PFKFB4: variants seen among roughly 807,000 people sequenced by gnomAD.
PFKFB4 encodes the protein 6-phosphofructo-2-kinase/fructose-2,6-bisphosphatase 4.
A neutral mutation model predicts 62.8 loss-of-function variants in PFKFB4; 42 were observed. The ratio of observed to expected loss-of-function variants is 0.67; its 90% confidence interval spans 0.52 to 0.86. PFKFB4 has a LOEUF of 0.86. Ranked by LOEUF, PFKFB4 falls within the 40% of genes least tolerant of loss-of-function variation. The probability of loss-of-function intolerance (pLI) is 0.00; values close to 1 mark genes in which losing one functional copy is unlikely to be tolerated. For synonymous variants in PFKFB4, 204 were observed against 240.7 expected (o/e 0.85, Z 1.41); for missense variants, 475 against 627.2 (o/e 0.76, Z 2.59).
intron 9 of PFKFB4, among the ~76,000 whole-genome samples, chr3:48,528,193 T>C (rs1338729289): frequency 6.6e-6 from 1 of 151,328 alleles, no homozygotes; most frequent in Admixed American, 6.6e-5. Context: ...CCAAGACTGA[T>C]GGTAACAAGC....
At chr3:48,544,448 T>C (rs2042900457) in intron 3 of PFKFB4, among the ~76,000 whole-genome samples, 1 of 146,362 alleles carries the variant, frequency 6.8e-6, no homozygotes, top group Non-Finnish European at 1.5e-5. Context: ...GATCTTTTTT[T>C]TTTTTTTTTT....
chr3:48,524,193 C>T (rs1026258102), intron 10 of PFKFB4, among the ~76,000 whole-genome samples: 3 of 152,200 alleles, frequency 2.0e-5, no homozygotes, highest in Admixed American at 6.5e-5. Flanking sequence ...ACAGAGTGCA[C>T]TGACAAGAGC....
intron 9 of PFKFB4, among the ~76,000 whole-genome samples, chr3:48,532,888 C>G (rs2098101): frequency 0.038 from 5,810 of 152,006 alleles, 346 homozygotes; most frequent in African/African-American, 0.12. Context: ...CATGGATGAA[C>G]CTTGAGGATA....
chr3:48,535,454 T>A lies in PFKFB4; in HGVS notation c.987+58A>T, dbSNP rs1040778005. ...AGCAATGGTCACTGTTGTTACAATA[T>A]GATGCAGCAGCCCTGCGGTATCTGG... On this transcript the variant is annotated intron_variant, in intron 9 of 13. Transcript: ENST00000232375. 13 of 1,437,238 alleles carry A rather than the reference T, an allele frequency of 9.0e-6. No individual in the cohort carries two copies. The South Asian group carries it at 1.4e-4, about 16-fold the overall frequency. The allele number at this position is 1,437,238 out of a possible 1,614,324, so 89.0% of individuals were successfully genotyped here. A position where few individuals can be genotyped will look rare whatever the true frequency, so the allele number is the denominator to read the frequency against.
At chr3:48,524,816 A>C (rs558643307) in intron 10 of PFKFB4, among the ~76,000 whole-genome samples, 5 of 152,272 alleles carry the variant, frequency 3.3e-5, no homozygotes, top group Admixed American at 6.5e-5. Context: ...CCCCTGCCCC[A>C]GGCCACCTCC....
At chr3:48,525,772 G>T in intron 9 of PFKFB4, 103 bp from the exon 10 acceptor site, 2 of 521,426 alleles carry the variant, frequency 3.8e-6, no homozygotes, top group Middle Eastern at 2.8e-4. Context: ...CAAGTTCACG[G>T]GCATTTCCTG....
rs1693311897 is a variant in PFKFB4, at chr3:48,536,457, C to A, written c.639G>T (p.Leu213=). The change falls in exon 8 of 14, where the codon CTG becomes CTT. Residue 213 remains leucine, a synonymous_variant. Transcript: ENST00000232375. ...ESLDEDLDRD[L]SYIKIMDVGQ... ...CCACATCCATGATCTTGATATAGGACAGGTCCCTGTCCAGAGAGAAAGTAG... is the reference window on the plus strand; with the variant it reads ...CCACATCCATGATCTTGATATAGGAAAGGTCCCTGTCCAGAGAGAAAGTAG... 6.2e-6 allele frequency: 10 copies of A among 1,608,362 alleles called. No homozygotes were observed. The highest frequency in any genetic ancestry group is 8.5e-6 in the Non-Finnish European group (10 of 1,175,074).
chr3:48,539,747 G>A lies in PFKFB4; in HGVS notation c.403C>T (p.Arg135Ter), dbSNP rs748520043. The change falls in exon 5 of 14, where the codon CGA becomes TGA. Residue 135 changes from arginine (R) to a stop codon, truncating the protein, a stop_gained. Coordinates refer to ENST00000232375, the MANE Select transcript of PFKFB4 (RefSeq NM_004567.4). LOFTEE classifies it high-confidence loss of function. ...VAVFDATNTTRERRATIFNFG... is the reference protein window; with the variant it reads ...VAVFDATNTT The stretch of plus-strand genomic sequence containing the variant: ...TTAAAGATGGTCGCTCTCCGTTCTC[G>A]GGTGGTGTTTGTGGCATCAAAAACC... The A allele has an allele frequency of 2.7e-5, 44 of 1,614,016 alleles. No homozygotes were observed. Among genetic ancestry groups the A allele is most frequent in the Admixed American group, 3.3e-5 (2 of 60,004 alleles).
intron 4 of PFKFB4, among the ~76,000 whole-genome samples, chr3:48,542,983 G>A (rs985605371): frequency 1.2e-4 from 19 of 152,222 alleles, no homozygotes; most frequent in African/African-American, 4.6e-4. Flanking sequence ...CAACCCAGGA[G>A]AGAGAAGGGC....
upstream of PFKFB4, among the ~76,000 whole-genome samples, chr3:48,561,426 G>A (rs939699197): frequency 1.3e-5 from 2 of 152,258 alleles, no homozygotes; most frequent in African/African-American, 4.8e-5. The surrounding 1 kb of genome is among the most constrained non-coding windows in gnomAD (Gnocchi z 5.2). Context: ...CCCCCTCTGC[G>A]GGCAAGCCCG....
intron 9 of PFKFB4, among the ~76,000 whole-genome samples, chr3:48,529,643 T>C (rs1275008857): frequency 6.6e-6 from 1 of 152,172 alleles, no homozygotes; most frequent in African/African-American, 2.4e-5. Context: ...ATGGGTTAAA[T>C]GAGCTACAAA....
At chr3:48,532,763 T>C (rs1358228577) in intron 9 of PFKFB4, among the ~76,000 whole-genome samples, 1 of 152,084 alleles carries the variant, frequency 6.6e-6, no homozygotes, top group Non-Finnish European at 1.5e-5. Flanking sequence ...AAGAGAATCG[T>C]TGAGTCTAGG....
chr3:48,526,814 G>A (rs900630792), intron 9 of PFKFB4, among the ~76,000 whole-genome samples: 4 of 151,758 alleles, frequency 2.6e-5, no homozygotes, highest in East Asian at 3.9e-4. Flanking sequence ...GGTGGCTCAC[G>A]CCTGTAGTCC....
chr3:48,522,766 T>TC (rs1475574031), intron 12 of PFKFB4, among the ~76,000 whole-genome samples: 1 of 150,998 alleles, frequency 6.6e-6, no homozygotes, highest in East Asian at 1.9e-4. Context: ...CAACAAACTT[T>TC]TTTTTTTTTT....
At chr3:48,548,053 C>T (rs1375846454) in intron 3 of PFKFB4, 1 of 152,232 alleles carries the variant, frequency 6.6e-6, no homozygotes, top group Non-Finnish European at 1.5e-5. Context: ...CTGTCCCCAG[C>T]TTCTGTTGCA....
At chr3:48,544,562 T>G (rs985076345) in intron 3 of PFKFB4, among the ~76,000 whole-genome samples, 2 of 147,486 alleles carry the variant, frequency 1.4e-5, no homozygotes, top group African/African-American at 5.0e-5. Flanking sequence ...TCTTCCTGCC[T>G]CAGCCTCCAG....
At chr3:48,523,884 G>T (rs2042175644) in intron 10 of PFKFB4, 54 bp from the exon 11 acceptor site, 1 of 1,576,726 alleles carries the variant, frequency 6.3e-7, no homozygotes, top group African/African-American at 1.3e-5. Context: ...GGGAGGGACA[G>T]ACACATCCTG....
chr3:48,522,192 C>G, intron 12 of PFKFB4, 142 bp from the exon 13 acceptor site: 1 of 748,988 alleles, frequency 1.3e-6, no homozygotes. Flanking sequence ...CCACTTTAGG[C>G]AGCTCTGGGG....
intron 11 of PFKFB4, 45 bp from the exon 12 acceptor site, chr3:48,523,644 T>C: frequency 6.2e-7 from 1 of 1,614,076 alleles, no homozygotes; most frequent in Non-Finnish European, 8.5e-7. Context: ...AAATGCCTGG[T>C]GACAGTGCCT....
Sources: gnomAD v4.1 joint callset for allele counts (sites outside exome capture counted in the v4.1 genomes callset) on GRCh38, gnomAD v4.1.1 for gene constraint, Gnocchi (gnomAD v3.1) non-coding constraint, MANE v1.5 for transcripts, NCBI Gene and HGNC (gene_info 2026-07-23, HGNC 2026-07-21) for gene names.